The following CADM2 variants were observed in gnomAD, a reference collection of about 807,000 sequenced individuals.
The protein encoded by CADM2 is immunoglobulin superfamily member 4D.
A neutral mutation model predicts 49.8 loss-of-function variants in CADM2; 12 were observed. The observed-to-expected ratio is 0.24, with a 90% CI of 0.15 to 0.39. The LOEUF is 0.39. Among genes scored for constraint, CADM2 ranks in the 10% least tolerant of loss-of-function variants. The pLI, the probability that CADM2 is intolerant of heterozygous loss-of-function variation, is 1.00. For missense variants in CADM2, 378 were observed against 492.3 expected, an observed-to-expected ratio of 0.77 and a Z score of 2.20; for synonymous variants, 214 against 175.4, an observed-to-expected ratio of 1.22 and a Z score of -1.74.
chr3:85,429,825 T>C (rs937115557), intron 1 of CADM2, among the ~76,000 whole-genome samples: 9 of 152,208 alleles, frequency 5.9e-5, no homozygotes, highest in Admixed American at 2.0e-4. Flanking sequence ...GAGCAAAGAA[T>C]GGCTTTTACA....
At position 86,024,072 on chromosome 3, in the gene CADM2, A is replaced by G. The variant is rs183842546; in HGVS notation, c.971-41533A>G. On this transcript the variant is annotated intron_variant, in intron 8 of 9. Coordinates refer to ENST00000383699, the MANE Select transcript of CADM2 (RefSeq NM_001167675.2). The stretch of plus-strand genomic sequence containing the variant: ...CAAAGAAATATTTACAATTTGATCA[A>G]CTGAATCGCATTAATATGCAAATAT... Among the ~76,000 whole-genome samples the G allele has an allele frequency of 1.3e-4, 20 of 152,318 alleles. No individual in the cohort carries two copies. In the East Asian group the frequency reaches 3.9e-3, roughly 29 times the overall value.
chr3:85,493,260 T>C (rs887436179), intron 1 of CADM2, among the ~76,000 whole-genome samples: 20 of 152,132 alleles, frequency 1.3e-4, no homozygotes, highest in African/African-American at 4.8e-4. Context: ...CCAACTAAAA[T>C]TGAGAGTGCT....
intron 8 of CADM2, among the ~76,000 whole-genome samples, chr3:86,027,646 C>G (rs931534985): frequency 6.6e-6 from 1 of 152,028 alleles, no homozygotes; most frequent in South Asian, 2.1e-4. Context: ...TATGGGAATA[C>G]TGGAGGATAA....
At chr3:85,026,264 C>A (rs990060986) in intron 1 of CADM2, among the ~76,000 whole-genome samples, 1 of 152,012 alleles carries the variant, frequency 6.6e-6, no homozygotes, top group Non-Finnish European at 1.5e-5. Context: ...GAGTGAAGAT[C>A]ACAGGTTGAT....
intron 1 of CADM2, among the ~76,000 whole-genome samples, chr3:85,707,892 T>C (rs2067000004): frequency 6.6e-6 from 1 of 152,206 alleles, no homozygotes; most frequent in Non-Finnish European, 1.5e-5. Context: ...GTGGAATATA[T>C]TATAAGCATT....
chr3:85,885,420 C>T (rs899739733), intron 4 of CADM2, among the ~76,000 whole-genome samples: 2 of 151,834 alleles, frequency 1.3e-5, no homozygotes, highest in African/African-American at 2.4e-5. Context: ...TGCCTGTAAT[C>T]CCAGCACTTT....
intron 8 of CADM2, among the ~76,000 whole-genome samples, chr3:86,002,334 C>A (rs188180692): frequency 6.6e-6 from 1 of 152,230 alleles, no homozygotes; most frequent in Admixed American, 6.5e-5. Flanking sequence ...GGTTATTATT[C>A]TTTTGAGTTC....
chr3:85,234,803 T>C lies in CADM2; in HGVS notation c.61+275135T>C, dbSNP rs142464411. On this transcript the variant is annotated intron_variant, in intron 1 of 9. Coordinates refer to ENST00000383699, the MANE Select transcript of CADM2 (RefSeq NM_001167675.2). ...GTAGTTTTTTGCAATTGCAAACATA[T>C]TCACAAACATGTTAACACCCTGTTA... 3.9e-5 allele frequency among the ~76,000 whole-genome samples: 6 copies of C among 152,256 alleles called. No individual in the cohort carries two copies. The East Asian group carries it at 1.2e-3, about 29-fold the overall frequency.
At chr3:85,975,973 A>G (rs1003523345) in intron 8 of CADM2, among the ~76,000 whole-genome samples, 1 of 151,582 alleles carries the variant, frequency 6.6e-6, no homozygotes, top group Non-Finnish European at 1.5e-5. Context: ...ATATATTAAG[A>G]CACTCTGACA....
At chr3:85,828,490 T>C (rs1458040021) in intron 3 of CADM2, among the ~76,000 whole-genome samples, 1 of 151,978 alleles carries the variant, frequency 6.6e-6, no homozygotes, top group Non-Finnish European at 1.5e-5. Context: ...ATATATTACG[T>C]ATGACCAGGT....
intron 1 of CADM2, among the ~76,000 whole-genome samples, chr3:85,028,732 A>G (rs888863009): frequency 6.6e-6 from 1 of 152,054 alleles, no homozygotes; most frequent in Non-Finnish European, 1.5e-5. Flanking sequence ...CCATCTCCTT[A>G]TTAGACAGGT....
chr3:85,441,954 T>G (rs915430865), intron 1 of CADM2, among the ~76,000 whole-genome samples: 1 of 152,106 alleles, frequency 6.6e-6, no homozygotes, highest in East Asian at 1.9e-4. Flanking sequence ...TAGCTAAAAA[T>G]AAATGCATGC....
chr3:85,634,318 A>G (rs896611468), intron 1 of CADM2, among the ~76,000 whole-genome samples: 12 of 152,044 alleles, frequency 7.9e-5, no homozygotes, highest in African/African-American at 1.7e-4. Flanking sequence ...TGCTTCATAT[A>G]GGTGTATATT....
intron 1 of CADM2, among the ~76,000 whole-genome samples, chr3:85,294,137 C>A (rs1015175483): frequency 1.3e-5 from 2 of 151,946 alleles, no homozygotes; most frequent in Non-Finnish European, 1.5e-5. Context: ...CATTCTTATA[C>A]ACCAACAACA....
intron 1 of CADM2, among the ~76,000 whole-genome samples, chr3:85,218,198 G>A (rs1221987336): frequency 2.0e-5 from 3 of 152,000 alleles, no homozygotes; most frequent in Non-Finnish European, 4.4e-5. Context: ...CTAGCTTAAT[G>A]TAGATGAGAG....
At chr3:85,007,962 AGGAATTTGAGAG>A (rs1194124598) in intron 1 of CADM2, among the ~76,000 whole-genome samples, 1 of 152,184 alleles carries the variant, frequency 6.6e-6, no homozygotes, top group East Asian at 1.9e-4. Flanking sequence ...CAGAATTTCT[AGGAATTTGAGAG>A]TAGAATTGGA....
chr3:85,712,614 C>T (rs2067150646), intron 1 of CADM2, among the ~76,000 whole-genome samples: 1 of 152,102 alleles, frequency 6.6e-6, no homozygotes, highest in Non-Finnish European at 1.5e-5. Flanking sequence ...TGACATTTTA[C>T]CAGTTGGGGC....
At chr3:85,373,847 G>T (rs2033424735) in intron 1 of CADM2, among the ~76,000 whole-genome samples, 1 of 152,182 alleles carries the variant, frequency 6.6e-6, no homozygotes, top group Admixed American at 6.5e-5. Flanking sequence ...GCCACACAGA[G>T]AACCAAGTCC....
intron 1 of CADM2, among the ~76,000 whole-genome samples, chr3:85,199,370 T>TGAGA (rs59939815): frequency 2.8e-4 from 39 of 140,168 alleles, no homozygotes; most frequent in African/African-American, 8.2e-4. Flanking sequence ...TGTGTGTGTA[T>TGAGA]GAGAGAGAGA....
Sources: allele counts gnomAD v4.1 joint callset (sites outside exome capture counted in the v4.1 genomes callset), GRCh38; gene constraint gnomAD v4.1.1; transcripts MANE v1.5; gene names NCBI Gene and HGNC (gene_info 2026-07-23, HGNC 2026-07-21).